ABR: variants seen among roughly 807,000 people sequenced by gnomAD.
ABR encodes the protein active breakpoint cluster region-related protein.
ABR carries 35 observed loss-of-function variants against 107.2 expected under a neutral mutation model. The observed-to-expected ratio is 0.33, with a 90% CI of 0.25 to 0.43. The LOEUF (loss-of-function observed/expected upper bound fraction) is 0.43. ABR is among the 20% of genes least tolerant of loss of function. The pLI is 1.00. For missense variants in ABR, 815 were observed against 1,115.2 expected, an observed-to-expected ratio of 0.73 and a Z score of 3.83; for synonymous variants, 498 against 462.0, an observed-to-expected ratio of 1.08 and a Z score of -1.00.
chr17:1,109,922 C>T, intron 2 of ABR, among the ~76,000 whole-genome samples: 1 of 121,166 alleles, frequency 8.3e-6, no homozygotes, highest in South Asian at 3.1e-4. Flanking sequence ...CCCACCTCCT[C>T]TGAGCAGCCC....
At chr17:1,191,842 A>G (rs1322868388), upstream of ABR, among the ~76,000 whole-genome samples, 1 of 152,146 alleles carries the variant, frequency 6.6e-6, no homozygotes, top group Non-Finnish European at 1.5e-5. Flanking sequence ...TCACCGTGCC[A>G]CACGACCGCT....
intron 16 of ABR, among the ~76,000 whole-genome samples, chr17:1,022,118 A>AC (rs67306975): frequency 6.6e-6 from 1 of 150,582 alleles, no homozygotes; most frequent in African/African-American, 2.5e-5. Flanking sequence ...AAAAAAAAAA[A>AC]AAAAAAACAG....
chr17:1,167,662 A>G (rs1471562425), intron 1 of ABR, among the ~76,000 whole-genome samples: 1 of 152,220 alleles, frequency 6.6e-6, no homozygotes, highest in Non-Finnish European at 1.5e-5. Flanking sequence ...GGAAGCATGA[A>G]ACAGGATAAA....
intron 2 of ABR, among the ~76,000 whole-genome samples, chr17:1,107,239 G>A (rs901580677): frequency 3.3e-5 from 5 of 152,176 alleles, no homozygotes; most frequent in Non-Finnish European, 5.9e-5. Flanking sequence ...AGGCTCTCTT[G>A]GCATCCGTGG....
chr17:1,096,563 C>T (rs1014839301), intron 3 of ABR, among the ~76,000 whole-genome samples: 7 of 152,200 alleles, frequency 4.6e-5, no homozygotes, highest in African/African-American at 1.7e-4. Flanking sequence ...GGGTCCTACT[C>T]CTCTTCCTGA....
intron 2 of ABR, among the ~76,000 whole-genome samples, chr17:1,101,567 GCAAAACGC>G (rs1390655826): frequency 3.3e-5 from 5 of 152,098 alleles, no homozygotes; most frequent in Admixed American, 1.3e-4. Context: ...TATGAATACC[GCAAAACGC>G]GAGTACTTGG....
intron 21 of ABR, among the ~76,000 whole-genome samples, chr17:1,008,515 C>T (rs1011821459): frequency 2.6e-5 from 4 of 152,232 alleles, no homozygotes; most frequent in Non-Finnish European, 4.4e-5. Flanking sequence ...GGGTGGAAGC[C>T]GAATGAATTT....
chr17:1,031,751 G>A (rs935580951), intron 16 of ABR: 37 of 1,236,270 alleles, frequency 3.0e-5, no homozygotes, highest in Non-Finnish European at 3.5e-5. Flanking sequence ...TGCCGGGGGG[G>A]ACGGGACGCG....
intron 2 of ABR, among the ~76,000 whole-genome samples, chr17:1,112,292 C>G (rs569096952): frequency 6.6e-6 from 1 of 152,356 alleles, no homozygotes; most frequent in South Asian, 2.1e-4. Flanking sequence ...GCAGTGTTCT[C>G]GTTTACCAGC....
At position 1,179,130 on chromosome 17, in the gene ABR, C is replaced by A. The variant is rs182387783; in HGVS notation, c.61+537G>T. On this transcript the variant is annotated intron_variant, in intron 1 of 22. Coordinates refer to ENST00000302538, the MANE Select transcript of ABR (RefSeq NM_021962.5). The surrounding 1 kb of genome is among the most constrained non-coding windows in gnomAD (Gnocchi z 4.9). ...CAAACGGCCCCCGCGGATATCTGCA[C>A]CCCCCGTCTCCCCTCCCACCCGATC... 8.5e-3 allele frequency among the ~76,000 whole-genome samples: 1,292 copies of A among 151,950 alleles called. 24 individuals carry two copies. The highest frequency in any genetic ancestry group is 0.03 in the African/African-American group (1,230 of 41,424).
chr17:1,191,064 G>A (rs576267642), upstream of ABR, among the ~76,000 whole-genome samples: 121 of 152,320 alleles, frequency 7.9e-4, no homozygotes, highest in African/African-American at 2.4e-3. Context: ...GCCCGAGGGC[G>A]CTATACAGTG....
At chr17:1,158,515 C>T (rs2041132416) in intron 1 of ABR, among the ~76,000 whole-genome samples, 1 of 151,932 alleles carries the variant, frequency 6.6e-6, no homozygotes, top group African/African-American at 2.4e-5. Context: ...GTAATCCCAG[C>T]ACTTTGGGAG....
chr17:1,017,569 C>T (rs1313851344), intron 16 of ABR, among the ~76,000 whole-genome samples: 1 of 150,468 alleles, frequency 6.6e-6, no homozygotes, highest in African/African-American at 2.5e-5. Context: ...CCAGGTTCAA[C>T]CGATTCTTCT....
chr17:1,200,756 G>A lies in ABR; in HGVS notation c.838+28037C>T, dbSNP rs188265008. ...TTTGTTCATGGTGCAAGATGTCTCC[G>A]GTTACTTCGGGGAGACAGGAACATG... On this transcript the variant is annotated intron_variant, in intron 1 of 22. Coordinates refer to the ABR transcript ENST00000574139. This position sits in a 1 kb window ranked among gnomAD's most constrained non-coding sequence, Gnocchi z 4.1. 3.9e-5 allele frequency among the ~76,000 whole-genome samples: 6 copies of A among 152,284 alleles called. No homozygotes were observed. Among genetic ancestry groups the A allele is most frequent in the Non-Finnish European group, 5.9e-5 (4 of 68,026 alleles).
At chr17:1,100,498 G>T in intron 3 of ABR, 139 bp downstream of exon 3, 1 of 766,490 alleles carries the variant, frequency 1.3e-6, no homozygotes, top group Non-Finnish European at 2.1e-6. Flanking sequence ...GCCAGAAGCA[G>T]ACCAGCTGCA....
chr17:1,102,025 A>G (rs561374533), intron 2 of ABR, among the ~76,000 whole-genome samples: 106 of 151,780 alleles, frequency 7.0e-4, no homozygotes, highest in East Asian at 2.3e-3. Context: ...GAGCCACCGC[A>G]CCCTGCCGGA....
intron 1 of ABR, among the ~76,000 whole-genome samples, chr17:1,149,579 A>G (rs908143905): frequency 6.6e-6 from 1 of 151,974 alleles, no homozygotes; most frequent in East Asian, 1.9e-4. Context: ...CACCACACCC[A>G]GCTAATTTTT....
At chr17:1,033,208 G>A (rs746156501) in intron 16 of ABR, among the ~76,000 whole-genome samples, 40 of 152,222 alleles carry the variant, frequency 2.6e-4, no homozygotes, top group Non-Finnish European at 5.1e-4. Context: ...GGCATCCGGC[G>A]TCACCAGCCA....
intron 1 of ABR, among the ~76,000 whole-genome samples, chr17:1,142,826 C>T (rs557559523): frequency 9.2e-5 from 14 of 152,266 alleles, no homozygotes; most frequent in African/African-American, 3.4e-4. Flanking sequence ...TCAGGACCCT[C>T]GGCCTGGCCT....
Sources: allele counts gnomAD v4.1 joint callset (sites outside exome capture counted in the v4.1 genomes callset), GRCh38; gene constraint gnomAD v4.1.1; non-coding constraint Gnocchi (gnomAD v3.1); transcripts MANE v1.5; gene names NCBI Gene and HGNC (gene_info 2026-07-23, HGNC 2026-07-21).